CEP89: variants seen among roughly 807,000 people sequenced by gnomAD.
The protein encoded by CEP89 is centrosomal protein 89.
Under a neutral mutation model 97.6 loss-of-function variants are expected in CEP89, and 95 were observed. That is an observed-to-expected ratio of 0.97 (90% CI 0.82 to 1.15). The LOEUF (loss-of-function observed/expected upper bound fraction) is 1.15, where lower values mean the gene tolerates loss of function less well. Ranked by LOEUF, CEP89 falls within the 50% of genes most tolerant of loss-of-function variation. CEP89 has a pLI of 0.00. For missense variants in CEP89, 869 were observed against 947.7 expected, an observed-to-expected ratio of 0.92 and a Z score of 1.09; for synonymous variants, 354 against 349.1, an observed-to-expected ratio of 1.01 and a Z score of -0.16.
chr19:32,899,242 T>A (rs1969712425), intron 16 of CEP89, among the ~76,000 whole-genome samples: 1 of 151,406 alleles, frequency 6.6e-6, no homozygotes, highest in Admixed American at 6.6e-5. Flanking sequence ...ATGAACCTCC[T>A]ACCTGAGTTT....
intron 12 of CEP89, among the ~76,000 whole-genome samples, 185 bp from the exon 13 acceptor site, chr19:32,918,524 G>A (rs117430819): frequency 0.013 from 1,995 of 152,276 alleles, 13 homozygotes; most frequent in Non-Finnish European, 0.021. Context: ...AAGGACAGCC[G>A]TGAAGTCTGA....
chr19:32,937,975 G>A (rs1330240237), intron 6 of CEP89, among the ~76,000 whole-genome samples: 1 of 150,894 alleles, frequency 6.6e-6, no homozygotes, highest in Non-Finnish European at 1.5e-5. Context: ...CCAAGTAGCT[G>A]GGATTACACA....
At chr19:32,906,762 T>C (rs542507718) in intron 14 of CEP89, among the ~76,000 whole-genome samples, 93 of 149,502 alleles carry the variant, frequency 6.2e-4, no homozygotes, top group African/African-American at 1.7e-3. Context: ...TATATATACA[T>C]ACATATAATA....
chr19:32,894,959 C>T (rs1386364123), intron 16 of CEP89, among the ~76,000 whole-genome samples: 2 of 152,140 alleles, frequency 1.3e-5, no homozygotes, highest in African/African-American at 2.4e-5. Flanking sequence ...AGACCATTAA[C>T]AAATAATGAG....
chr19:32,882,036 G>A, intron 17 of CEP89, 23 bp from the exon 18 acceptor site: 1 of 1,548,150 alleles, frequency 6.5e-7, no homozygotes, highest in South Asian at 1.2e-5. Context: ...AGGACTCTGT[G>A]AATGAGGGGA....
intron 16 of CEP89, among the ~76,000 whole-genome samples, chr19:32,891,321 C>T (rs1969511907): frequency 6.6e-6 from 1 of 152,110 alleles, no homozygotes; most frequent in Non-Finnish European, 1.5e-5. Flanking sequence ...CAGGGAGTGT[C>T]CCACCATGTT....
At chr19:32,948,391 G>A (rs367845371) in intron 4 of CEP89, 23 bp from the exon 5 acceptor site, 70 of 1,473,128 alleles carry the variant, frequency 4.8e-5, no homozygotes, top group South Asian at 7.1e-5. Context: ...AAAGACAAAG[G>A]AGCAAAAAAG....
chr19:32,961,489 G>A (rs543627333), intron 2 of CEP89, among the ~76,000 whole-genome samples: 1 of 147,798 alleles, frequency 6.8e-6, no homozygotes, highest in African/African-American at 2.5e-5. Context: ...TGAGGCAGGA[G>A]AATGGCGTGA....
intron 16 of CEP89, among the ~76,000 whole-genome samples, chr19:32,889,709 G>C (rs1241186465): frequency 3.3e-5 from 5 of 152,156 alleles, no homozygotes; most frequent in Admixed American, 3.3e-4. Flanking sequence ...CCAGGGACCG[G>C]GATTCCCTGC....
chr19:32,934,852 C>T (rs960434273), intron 7 of CEP89, among the ~76,000 whole-genome samples: 3 of 152,142 alleles, frequency 2.0e-5, no homozygotes, highest in Non-Finnish European at 4.4e-5. Flanking sequence ...GTGGCTCGCA[C>T]CTGCAATCCC....
chr19:32,921,897 T>C (rs1255239844), intron 12 of CEP89, among the ~76,000 whole-genome samples: 1 of 152,204 alleles, frequency 6.6e-6, no homozygotes, highest in East Asian at 1.9e-4. Context: ...CAATTCCAGA[T>C]TTCTAAACAT....
intron 12 of CEP89, among the ~76,000 whole-genome samples, chr19:32,923,063 C>T (rs778166934): frequency 2.6e-5 from 4 of 152,094 alleles, no homozygotes; most frequent in Non-Finnish European, 5.9e-5. Context: ...GCCTCATGAG[C>T]TTTCTGTTTT....
intron 2 of CEP89, among the ~76,000 whole-genome samples, chr19:32,962,449 C>T (rs768360389): frequency 1.8e-4 from 28 of 152,164 alleles, no homozygotes; most frequent in Middle Eastern, 3.2e-3. Context: ...AATACACGCA[C>T]CATCTACAAA....
At position 32,917,373 on chromosome 19, in the gene CEP89, T is replaced by A. The variant is rs1970148982; in HGVS notation, c.1384+851A>T. Reference sequence around the variant, plus strand: ...GATGCTCTCATCTTTAAACACGACCTGGTTCTCAGAAACAGGAAGTGCTAG... The same window carrying A: ...GATGCTCTCATCTTTAAACACGACCAGGTTCTCAGAAACAGGAAGTGCTAG... On this transcript the variant is annotated intron_variant, in intron 13 of 18. Coordinates refer to ENST00000305768, the MANE Select transcript of CEP89 (RefSeq NM_032816.5). 1.3e-5 allele frequency among the ~76,000 whole-genome samples: 2 copies of A among 152,184 alleles called. 1 individual carries two copies. Among genetic ancestry groups the A allele is most frequent in the South Asian group, 4.1e-4 (2 of 4,836 alleles).
intron 16 of CEP89, among the ~76,000 whole-genome samples, chr19:32,891,517 C>T (rs937919948): frequency 2.0e-5 from 3 of 151,822 alleles, no homozygotes; most frequent in Admixed American, 1.3e-4. Context: ...ATTCCAACAA[C>T]AACAAAAAGA....
In CEP89 at chr19:32,947,893, C is replaced by T. The variant is rs549891824; in HGVS notation, c.595+373G>A. On this transcript the variant is annotated intron_variant, in intron 5 of 18. Transcript: ENST00000305768. ...ATGGCTTGCTGCAGCCCTGACCTTC[C>T]GAGCTCAAGTGATCCTCCCACCTCG... Among the ~76,000 whole-genome samples, 10 of 151,934 alleles carry T rather than the reference C, an allele frequency of 6.6e-5. No homozygotes were observed. The East Asian group carries it at 1.2e-3, about 18-fold the overall frequency.
chr19:32,898,252 A>T (rs1021970118), intron 16 of CEP89, among the ~76,000 whole-genome samples: 6 of 152,240 alleles, frequency 3.9e-5, no homozygotes, highest in Non-Finnish European at 7.3e-5. Context: ...ACTGGAGGCC[A>T]TTACGTTAAG....
chr19:32,953,832 C>T, intron 3 of CEP89, 31 bp from the exon 4 acceptor site: 1 of 1,402,000 alleles, frequency 7.1e-7, no homozygotes. Context: ...GGAAAACAAA[C>T]AAAAAGTCAC....
Position 32,933,544 on chromosome 19 carries a change from T to A in CEP89, c.793A>T (p.Lys265Ter), listed in dbSNP as rs139465403. 1 of 1,613,734 alleles carries A rather than the reference T, an allele frequency of 6.2e-7. No homozygotes were observed. Among genetic ancestry groups the A allele is most frequent in the African/African-American group, 1.3e-5 (1 of 74,948 alleles). Reference sequence around the variant, plus strand: ...AACTGTAGTTCTTTCATTGCTTGTTTCATTGTGTTTAGTTCAAGGGTAAGG... The same window carrying A: ...AACTGTAGTTCTTTCATTGCTTGTTACATTGTGTTTAGTTCAAGGGTAAGG... ...QSLTLELNTM[K>*]QAMKELQLKL... Residue 265 changes from lysine to a stop codon, truncating the protein, a stop_gained, in exon 8 of 19, where the codon AAA (lysine) becomes TAA (stop). Coordinates refer to ENST00000305768, the MANE Select transcript of CEP89 (RefSeq NM_032816.5). LOFTEE classifies it high-confidence loss of function.
Sources: gnomAD v4.1 joint callset for allele counts (sites outside exome capture counted in the v4.1 genomes callset) on GRCh38, gnomAD v4.1.1 for gene constraint, MANE v1.5 for transcripts, NCBI Gene and HGNC (gene_info 2026-07-23, HGNC 2026-07-21) for gene names.